INF2: variants seen among roughly 807,000 people sequenced by gnomAD.
INF2 encodes the protein inverted formin 2.
Under a neutral mutation model 123.5 loss-of-function variants are expected in INF2, and 43 were observed. The observed-to-expected ratio is 0.35, with a 90% CI of 0.27 to 0.45. The LOEUF is 0.45. Among genes scored for constraint, INF2 ranks in the 20% least tolerant of loss-of-function variants. The probability of loss-of-function intolerance (pLI) is 1.00; values close to 1 mark genes in which losing one functional copy is unlikely to be tolerated. For missense variants in INF2, 1,453 were observed against 1,682.7 expected (o/e 0.86, Z 2.39); for synonymous variants, 851 against 745.0 (o/e 1.14, Z -2.32).
Position 104,708,595 on chromosome 14 carries a change from C to T in INF2, c.1887+8C>T, listed in dbSNP as rs569295413. ...AGGAAGGAGCCCAAGGAGGTGGGGA[C>T]GGGGAGGGGACTCAGACCGGGGCCG... On this transcript the variant is annotated splice_region_variant and intron_variant, in intron 9 of 22. Transcript: ENST00000392634. The T allele has an allele frequency of 2.5e-5, 40 of 1,612,432 alleles. No individual in the cohort carries two copies. The highest frequency in any genetic ancestry group is 1.3e-4 in the East Asian group (6 of 44,890).
chr14:104,685,505 C>T (rs753905631), upstream of INF2, among the ~76,000 whole-genome samples: 7 of 151,262 alleles, frequency 4.6e-5, 1 homozygote, highest in South Asian at 2.1e-4. Context: ...TGGGGGCGGT[C>T]GTGTCCTTGT....
Position 104,713,280 on chromosome 14 carries a change from G to A in INF2, c.2849G>A (p.Arg950Gln), listed in dbSNP as rs978406474. The A allele has an allele frequency of 1.2e-5, 19 of 1,550,220 alleles. No individual in the cohort carries two copies. The highest frequency in any genetic ancestry group is 7.1e-5 in the South Asian group (6 of 84,228). Residue 950 changes from arginine to glutamine, a missense_variant, in exon 19 of 23, where the codon CGG becomes CAG. By Grantham distance (43) the Arg-to-Gln change is conservative. Around this residue, in one of 8 missense-constraint regions of INF2, gnomAD observed 212 missense variants for 266.2 expected, o/e 0.80. Coordinates refer to ENST00000392634, the MANE Select transcript of INF2 (RefSeq NM_022489.4). ...CAGCAGCTGGCGGAGGAGGAGGCGC[G>A]GCGGCCTCGGGGAGAGGACGGGAAG... ...RKQQLAEEEA[R>Q]RPRGEDGKPV...
At chr14:104,714,071 A>C in intron 20 of INF2, 132 bp from the exon 21 acceptor site, 1 of 772,212 alleles carries the variant, frequency 1.3e-6, no homozygotes, top group Non-Finnish European at 2.0e-6. Flanking sequence ...TCCTGCTCTG[A>C]GACATCAGAG....
At chr14:104,689,108 C>T (rs1888791635), upstream of INF2, 1 of 690,994 alleles carries the variant, frequency 1.4e-6, no homozygotes, top group African/African-American at 1.9e-5. Flanking sequence ...GAGAGGAGGC[C>T]ACATGGGTGG....
chr14:104,703,041 C>T (rs1281901823), intron 2 of INF2, 64 bp from the exon 3 acceptor site: 3 of 1,358,120 alleles, frequency 2.2e-6, no homozygotes, highest in East Asian at 2.4e-5. Context: ...GCCCTGAGCC[C>T]AGCTGCACAG....
In INF2 at chr14:104,719,493, C is replaced by G. The variant is rs944899536; in HGVS notation, c.*700C>G. The G allele has an allele frequency of 6.6e-6, 1 of 152,156 alleles. No homozygotes were observed. The highest frequency in any genetic ancestry group is 2.4e-5 in the African/African-American group (1 of 41,438). The allele number at this position is 152,156 out of a possible 1,614,324, so 9.4% of individuals were successfully genotyped here. A position where few individuals can be genotyped will look rare whatever the true frequency, so the allele number is the denominator to read the frequency against. ...GGGCTGCAGGGTGACACCCAGCAGCCGCTGCCCCCTCACTGCCCACCCAGC... is the reference window on the plus strand; with the variant it reads ...GGGCTGCAGGGTGACACCCAGCAGCGGCTGCCCCCTCACTGCCCACCCAGC... On this transcript the variant is annotated 3_prime_UTR_variant, in exon 23 of 23. Coordinates refer to ENST00000392634, the MANE Select transcript of INF2 (RefSeq NM_022489.4).
intron 1 of INF2, chr14:104,683,923 A>G (rs1236198198): frequency 2.5e-6 from 1 of 400,358 alleles, no homozygotes; most frequent in Non-Finnish European, 5.0e-6. Flanking sequence ...CAGGCAGACT[A>G]TGGGTTGGGG....
chr14:104,710,364 A>G (rs1889988780), intron 13 of INF2, among the ~76,000 whole-genome samples, 176 bp downstream of exon 13: 1 of 151,956 alleles, frequency 6.6e-6, no homozygotes, highest in African/African-American at 2.4e-5. Context: ...CTCGGTGCAC[A>G]CACCTACTGG....
chr14:104,683,724 T>C (rs954269109), intron 1 of INF2, among the ~76,000 whole-genome samples: 1 of 150,684 alleles, frequency 6.6e-6, no homozygotes, highest in Non-Finnish European at 1.5e-5. Context: ...TGGCCAAAAA[T>C]CACCTGCAAG....
chr14:104,703,995 C>A (rs1330192982), intron 5 of INF2, 46 bp downstream of exon 5: 1 of 1,605,298 alleles, frequency 6.2e-7, no homozygotes, highest in Admixed American at 1.7e-5. Context: ...CTCCTGCTCC[C>A]AAGGCCAGGC....
At chr14:104,705,924 A>G in intron 5 of INF2, 111 bp from the exon 6 acceptor site, 1 of 1,350,592 alleles carries the variant, frequency 7.4e-7, no homozygotes, top group Non-Finnish European at 1.0e-6. Context: ...CCTGGCTCAG[A>G]GTCCCAGGTG....
Position 104,713,582 on chromosome 14 carries a change from G to A in INF2, c.3016G>A (p.Asp1006Asn). The A allele has an allele frequency of 6.2e-7, 1 of 1,612,566 alleles. No homozygotes were observed. The highest frequency in any genetic ancestry group is 8.5e-7 in the Non-Finnish European group (1 of 1,179,776). ...TDGGSKAASM[D>N]PPRATEPVAT... ...CGGGGGCAGCAAGGCAGCCTCCATGGATCCCCCAAGAGCCACAGAGCCTGG... is the reference window on the plus strand; with the variant it reads ...CGGGGGCAGCAAGGCAGCCTCCATGAATCCCCCAAGAGCCACAGAGCCTGG... Residue 1006 changes from aspartate (D) to asparagine (N), a missense_variant, in exon 20 of 23, where the codon GAT becomes AAT. By Grantham distance (23) the Asp-to-Asn change is conservative. Around this residue, in one of 8 missense-constraint regions of INF2, gnomAD observed 344 missense variants for 333.1 expected, o/e 1.03. Coordinates refer to ENST00000392634, the MANE Select transcript of INF2 (RefSeq NM_022489.4).
Position 104,682,913 on chromosome 14 carries a change from G to A in INF2, c.-104+1331G>A, listed in dbSNP as rs1468070320. Reference sequence around the variant, plus strand: ...GAGGGGTCTTCTGTGCATGCAGCCTGCGCTAGTGGCTGGGGCCTCCGCAAT... The same window carrying A: ...GAGGGGTCTTCTGTGCATGCAGCCTACGCTAGTGGCTGGGGCCTCCGCAAT... On this transcript the variant is annotated intron_variant, in intron 1 of 2. Transcript: ENST00000674723. Among the ~76,000 whole-genome samples the A allele has an allele frequency of 1.3e-5, 2 of 152,180 alleles. 1 individual carries two copies. The highest frequency in any genetic ancestry group is 4.1e-4 in the South Asian group (2 of 4,828).
chr14:104,704,116 C>T lies in INF2; in HGVS notation c.701+167C>T, dbSNP rs1223115943. ...GTCCAGCCAGAAGCCAGGTCTCAGG[C>T]TAGAATCCAGCTCACTGTCCCTGGC... On this transcript the variant is annotated intron_variant, in intron 5 of 22. Coordinates refer to ENST00000392634, the MANE Select transcript of INF2 (RefSeq NM_022489.4). 15 of 1,475,536 alleles carry T rather than the reference C, an allele frequency of 1.0e-5. No individual in the cohort carries two copies. The South Asian group carries it at 1.2e-4, about 12-fold the overall frequency. The allele number at this position is 1,475,536 out of a possible 1,614,324, so 91.4% of individuals were successfully genotyped here.
At position 104,716,212 on chromosome 14, in the gene INF2, T is replaced by C. The variant is rs557058466; in HGVS notation, c.*1+872T>C. On this transcript the variant is annotated intron_variant, in intron 22 of 22. Transcript: ENST00000392634. The stretch of plus-strand genomic sequence containing the variant: ...GCCCGGTGTCGGTGCATCACAAATA[T>C]GCTGACCGCTGGGCCTGGGGCTTAG... Among the ~76,000 whole-genome samples the C allele has an allele frequency of 2.0e-5, 3 of 152,302 alleles. No individual in the cohort carries two copies. The East Asian group carries it at 5.8e-4, about 29-fold the overall frequency.
At chr14:104,703,539 G>A in intron 4 of INF2, 85 bp downstream of exon 4, 7 of 1,557,558 alleles carry the variant, frequency 4.5e-6, no homozygotes, top group Non-Finnish European at 6.1e-6. Flanking sequence ...GGGGAGGTGG[G>A]AGCGCCACAA....
chr14:104,701,848 CA>C, intron 2 of INF2, 92 bp downstream of exon 2: 1 of 1,359,508 alleles, frequency 7.4e-7, no homozygotes, highest in Non-Finnish European at 9.7e-7. Flanking sequence ...CCTGGGGAAC[CA>C]CCAGGAGGAA....
At chr14:104,712,604 G>C (rs760309052) in intron 17 of INF2, 51 bp downstream of exon 17, 2 of 1,610,852 alleles carry the variant, frequency 1.2e-6, no homozygotes, top group Non-Finnish European at 1.7e-6. Context: ...CCCTGATAGA[G>C]TGAGCTGGGC....
chr14:104,708,236 T>C (rs1269549068), intron 8 of INF2, 200 bp from the exon 9 acceptor site: 2 of 864,378 alleles, frequency 2.3e-6, no homozygotes, highest in African/African-American at 3.4e-5. Context: ...AGCCAGTGCA[T>C]CTGGGGTGCC....
Sources: allele counts gnomAD v4.1 joint callset (sites outside exome capture counted in the v4.1 genomes callset), GRCh38; gene constraint gnomAD v4.1.1; regional missense constraint gnomAD v4.1.1; transcripts MANE v1.5; gene names NCBI Gene and HGNC (gene_info 2026-07-23, HGNC 2026-07-21).